Variants in INPP5D observed in about 807,000 individuals in gnomAD.
INPP5D encodes the protein inositol polyphosphate-5-phosphatase D, also known as phosphatidylinositol 3,4,5-trisphosphate 5-phosphatase 1.
A neutral mutation model predicts 122.9 loss-of-function variants in INPP5D; 33 were observed. That is an observed-to-expected ratio of 0.27 (90% CI 0.20 to 0.36). INPP5D has a LOEUF of 0.36. Among genes scored for constraint, INPP5D ranks in the 10% least tolerant of loss-of-function variants. The pLI, the probability that INPP5D is intolerant of heterozygous loss-of-function variation, is 1.00. For synonymous variants in INPP5D, 584 were observed against 576.2 expected (o/e 1.01, Z -0.19); for missense variants, 1,053 against 1,412.7 (o/e 0.75, Z 4.08).
chr2:233,113,757 C>A (rs1181096291), intron 2 of INPP5D, among the ~76,000 whole-genome samples: 1 of 152,236 alleles, frequency 6.6e-6, no homozygotes, highest in African/African-American at 2.4e-5. Context: ...CTCTCTCCTG[C>A]TGCTGCATCT....
chr2:233,122,914 CTCTCATGGTATCT>C (rs1693033266), intron 3 of INPP5D, among the ~76,000 whole-genome samples: 1 of 152,236 alleles, frequency 6.6e-6, no homozygotes, highest in Admixed American at 6.5e-5. Context: ...TAGTACCTGC[CTCTCATGGTATCT>C]CAAGGATCAA....
intron 1 of INPP5D, among the ~76,000 whole-genome samples, chr2:233,069,624 G>A (rs1691323042): frequency 6.6e-6 from 1 of 152,114 alleles, no homozygotes; most frequent in Admixed American, 6.5e-5. Context: ...ATTTTAGTCT[G>A]AGATTTCTAG....
At chr2:233,126,596 A>G (rs1187340567) in intron 4 of INPP5D, among the ~76,000 whole-genome samples, 1 of 152,142 alleles carries the variant, frequency 6.6e-6, no homozygotes, top group Non-Finnish European at 1.5e-5. Flanking sequence ...TTGTCTCTAT[A>G]TATGTGTCTA....
chr2:233,186,703 T>A (rs1421146254), intron 21 of INPP5D, among the ~76,000 whole-genome samples: 2 of 36,434 alleles, frequency 5.5e-5, no homozygotes, highest in African/African-American at 1.4e-4. Flanking sequence ...TTTTTTTTTT[T>A]TTTTTTTTTT....
chr2:233,194,552 C>A (rs947852940), intron 23 of INPP5D, among the ~76,000 whole-genome samples: 3 of 139,342 alleles, frequency 2.2e-5, no homozygotes, highest in Non-Finnish European at 4.5e-5. Context: ...GGCTGGAGTG[C>A]AGTGGCACGA....
intron 2 of INPP5D, among the ~76,000 whole-genome samples, chr2:233,083,731 C>A (rs532953194): frequency 5.9e-5 from 9 of 152,216 alleles, no homozygotes; most frequent in African/African-American, 1.9e-4. Context: ...TGAGGTCCTG[C>A]AAGCCGCCCT....
At chr2:233,080,547 C>T (rs774536364) in intron 2 of INPP5D, among the ~76,000 whole-genome samples, 34 of 151,786 alleles carry the variant, frequency 2.2e-4, no homozygotes, top group African/African-American at 5.8e-4. Context: ...GCAGAGTAGC[C>T]GGGGTCGACA....
intron 13 of INPP5D, chr2:233,169,039 T>C (rs1054823601): frequency 2.2e-6 from 1 of 447,856 alleles, no homozygotes; most frequent in Non-Finnish European, 4.1e-6. Context: ...CTGGTCACTT[T>C]AGAGAGAGAT....
At chr2:233,083,510 G>A (rs972656853) in intron 2 of INPP5D, among the ~76,000 whole-genome samples, 10 of 152,172 alleles carry the variant, frequency 6.6e-5, no homozygotes, top group Non-Finnish European at 1.0e-4. Context: ...GAGGCCAGAC[G>A]AAGGCAGAAC....
At chr2:233,102,644 C>T (rs1021265431) in intron 2 of INPP5D, among the ~76,000 whole-genome samples, 5 of 151,676 alleles carry the variant, frequency 3.3e-5, no homozygotes, top group Non-Finnish European at 5.9e-5. Flanking sequence ...GTCAGGAGAT[C>T]GAGACCATCC....
At chr2:233,185,947 C>T in intron 21 of INPP5D, 22 bp downstream of exon 21, 1 of 1,571,972 alleles carries the variant, frequency 6.4e-7, no homozygotes, top group Non-Finnish European at 8.6e-7. Context: ...GCAAGGCATT[C>T]CCCAGAGGGA....
Position 233,147,603 on chromosome 2 carries a change from C to T in INPP5D, c.1030+9C>T, listed in dbSNP as rs1007232206. The T allele has an allele frequency of 2.8e-5, 20 of 703,688 alleles. No homozygotes were observed. In the Middle Eastern group the frequency reaches 9.2e-4, roughly 32 times the overall value. The allele number at this position is 703,688 out of a possible 1,614,324, so 43.6% of individuals were successfully genotyped here. On this transcript the variant is annotated intron_variant, in intron 9 of 26. Transcript: ENST00000445964. ...CTACAGCCACAAGAAAAGTAAGACCCCTCGTGCCTATCAACCACTGCCCCT... is the reference window on the plus strand; with the variant it reads ...CTACAGCCACAAGAAAAGTAAGACCTCTCGTGCCTATCAACCACTGCCCCT...
intron 2 of INPP5D, among the ~76,000 whole-genome samples, chr2:233,096,184 C>G (rs1692134711): frequency 6.6e-6 from 1 of 152,200 alleles, no homozygotes; most frequent in African/African-American, 2.4e-5. Flanking sequence ...TTGTAAAATA[C>G]TGCCAAACTG....
chr2:233,164,593 A>C lies in INPP5D; in HGVS notation c.1555+169A>C, dbSNP rs1443531007. Among the ~76,000 whole-genome samples, 1 of 152,118 alleles carries C rather than the reference A, an allele frequency of 6.6e-6. No individual in the cohort carries two copies. Among genetic ancestry groups the C allele is most frequent in the Non-Finnish European group, 1.5e-5 (1 of 68,028 alleles). ...AGGGGTGATTGGTCTCCCTGGCTGA[A>C]ACTCACTCAGGGTCTACACCAGCAG... On this transcript the variant is annotated intron_variant, in intron 13 of 26. Coordinates refer to ENST00000445964, the MANE Select transcript of INPP5D (RefSeq NM_001017915.3). This position sits in a 1 kb window ranked among gnomAD's most constrained non-coding sequence, Gnocchi z 4.3.
In INPP5D at chr2:233,193,687, C is replaced by T. The variant is rs143485119; in HGVS notation, c.2447-125C>T. The T allele has an allele frequency of 7.9e-5, 120 of 1,519,398 alleles. No homozygotes were observed. The Middle Eastern group carries it at 1.4e-3, about 17-fold the overall frequency. The allele number at this position is 1,519,398 out of a possible 1,614,324, so 94.1% of individuals were successfully genotyped here. ...CCAAAGTACTGTGGTGTTGTTCTGA[C>T]GGATTTATTAAATAACCCTTGCCTG... On this transcript the variant is annotated intron_variant, in intron 22 of 26. Transcript: ENST00000445964.
At chr2:233,084,481 A>G (rs1039200266) in intron 2 of INPP5D, among the ~76,000 whole-genome samples, 1 of 152,244 alleles carries the variant, frequency 6.6e-6, no homozygotes, top group Non-Finnish European at 1.5e-5. Flanking sequence ...GGTGAGTTCT[A>G]AAGAAGAGAC....
At chr2:233,060,736 C>A in intron 1 of INPP5D, 124 bp downstream of exon 1, 1 of 1,309,116 alleles carries the variant, frequency 7.6e-7, no homozygotes, top group Non-Finnish European at 1.1e-6. Flanking sequence ...ACTTCCCCGC[C>A]ACCCTGTCAT....
chr2:233,093,106 A>G lies in INPP5D; in HGVS notation c.198+13708A>G, dbSNP rs149829075. On this transcript the variant is annotated intron_variant, in intron 2 of 26. Transcript: ENST00000445964. ...GCTTTGTGAAGTCAGGGTCTCCTTC[A>G]CGTGGTCTGATGGGCCACTGCATTC... 1.2e-3 allele frequency among the ~76,000 whole-genome samples: 182 copies of G among 152,352 alleles called. 1 individual carries two copies. In the East Asian group the frequency reaches 0.019, roughly 16 times the overall value.
At chr2:233,080,678 A>G (rs962793157) in intron 2 of INPP5D, among the ~76,000 whole-genome samples, 1 of 152,110 alleles carries the variant, frequency 6.6e-6, no homozygotes, top group Admixed American at 6.5e-5. Context: ...CTTGAAGGGA[A>G]TGATTCATTT....
Sources: gnomAD v4.1 joint callset for allele counts (sites outside exome capture counted in the v4.1 genomes callset) on GRCh38, gnomAD v4.1.1 for gene constraint, Gnocchi (gnomAD v3.1) non-coding constraint, MANE v1.5 for transcripts, NCBI Gene and HGNC (gene_info 2026-07-23, HGNC 2026-07-21) for gene names.